Variants in FAM193A observed in about 807,000 individuals in gnomAD.
FAM193A encodes protein FAM193A.
A neutral mutation model predicts 126.5 loss-of-function variants in FAM193A; 22 were observed. The observed-to-expected ratio is 0.17, with a 90% CI of 0.12 to 0.25. The LOEUF is 0.25. Among genes scored for constraint, FAM193A ranks in the 10% least tolerant of loss-of-function variants. The pLI is 1.00. For synonymous variants in FAM193A, 761 were observed against 646.8 expected (o/e 1.18, Z -2.68); for missense variants, 1,675 against 1,672.8 (o/e 1.00, Z -0.02).
chr4:2,726,778 CAAAAAAAAAA>C (rs71589604), intron 20 of FAM193A, among the ~76,000 whole-genome samples: 17 of 44,962 alleles, frequency 3.8e-4, no homozygotes, highest in Non-Finnish European at 6.1e-4. Flanking sequence ...CTAAAAATAC[CAAAAAAAAAA>C]AAAAAAAAAA....
chr4:2,553,086 G>T (rs1169629194), intron 1 of FAM193A, among the ~76,000 whole-genome samples: 2 of 152,048 alleles, frequency 1.3e-5, no homozygotes, highest in African/African-American at 4.8e-5. Context: ...GATCTCAAGT[G>T]ATCCACCGGC....
chr4:2,722,147 A>T (rs1347939311), intron 20 of FAM193A, among the ~76,000 whole-genome samples: 1 of 152,182 alleles, frequency 6.6e-6, no homozygotes, highest in Non-Finnish European at 1.5e-5. Flanking sequence ...TAGCAGTGTC[A>T]GGTTTTGTGA....
chr4:2,701,027 A>G (rs575409743), intron 19 of FAM193A, among the ~76,000 whole-genome samples: 14 of 151,436 alleles, frequency 9.2e-5, no homozygotes, highest in Admixed American at 4.7e-4. Flanking sequence ...TAGTTCCCCA[A>G]CATCAGTATT....
chr4:2,648,180 C>T (rs1418291325), intron 7 of FAM193A, among the ~76,000 whole-genome samples: 5 of 152,192 alleles, frequency 3.3e-5, no homozygotes, highest in Admixed American at 3.3e-4. Flanking sequence ...TGAGCCACTG[C>T]GCCTGGCCTG....
intron 1 of FAM193A, among the ~76,000 whole-genome samples, chr4:2,559,734 GCTTTCTTTGACGGCCC>G (rs1281527991): frequency 3.3e-5 from 5 of 152,178 alleles, no homozygotes; most frequent in Admixed American, 6.6e-5. Flanking sequence ...GACGTCTTGA[GCTTTCTTTGACGGCCC>G]CTCTCTTGTT....
At chr4:2,603,581 C>T (rs750758152) in intron 2 of FAM193A, among the ~76,000 whole-genome samples, 112 of 150,088 alleles carry the variant, frequency 7.5e-4, no homozygotes, top group Non-Finnish European at 6.4e-4. Context: ...CTCAGCCTCC[C>T]AAGTAGCTGG....
At chr4:2,657,986 C>A (rs1317726663) in intron 8 of FAM193A, 106 bp downstream of exon 8, 2 of 769,700 alleles carry the variant, frequency 2.6e-6, no homozygotes, top group Admixed American at 2.4e-5. Flanking sequence ...CATTGGAGGA[C>A]CACATTGGCA....
intron 1 of FAM193A, among the ~76,000 whole-genome samples, chr4:2,568,239 T>C (rs1400852676): frequency 6.6e-6 from 1 of 152,128 alleles, no homozygotes; most frequent in Non-Finnish European, 1.5e-5. Context: ...TTCAAAAAGA[T>C]TGGAAGTTTA....
chr4:2,663,275 A>G lies in FAM193A; in HGVS notation c.2066A>G (p.Tyr689Cys), dbSNP rs767209400. 2.5e-6 allele frequency: 4 copies of G among 1,588,042 alleles called. No homozygotes were observed. Among genetic ancestry groups the G allele is most frequent in the Non-Finnish European group, 3.4e-6 (4 of 1,170,220 alleles). Reference protein sequence around the residue: ...ESKADSPPPSYPTQQAEQAPN... With the variant: ...ESKADSPPPSCPTQQAEQAPN... ...AAAGCAGACAGTCCACCCCCATCCT[A>G]CCCAACACAGCAGGTAGGACTTTGC... Residue 689 changes from tyrosine to cysteine, a missense_variant, in exon 12 of 21, where the codon TAC becomes TGC. Tyr to Cys is a radical substitution (Grantham distance 194). Transcript: ENST00000637812.
chr4:2,695,277 A>G (rs1716903972), intron 17 of FAM193A, 148 bp downstream of exon 17: 1 of 622,230 alleles, frequency 1.6e-6, no homozygotes, highest in East Asian at 3.5e-5. Flanking sequence ...TATATGCCCA[A>G]AGATTTAGCC....
chr4:2,606,701 A>G (rs1346776540), intron 2 of FAM193A, among the ~76,000 whole-genome samples: 2 of 152,240 alleles, frequency 1.3e-5, no homozygotes, highest in African/African-American at 4.8e-5. Flanking sequence ...TAAGGTAGAC[A>G]GATTTTCCTG....
chr4:2,658,009 G>A (rs953495322), intron 8 of FAM193A, 129 bp downstream of exon 8: 15 of 673,394 alleles, frequency 2.2e-5, no homozygotes, highest in East Asian at 1.3e-4. Context: ...TTTTGCCAGC[G>A]TTAAAAACTG....
chr4:2,640,434 G>C (rs1560509566), intron 6 of FAM193A, among the ~76,000 whole-genome samples: 1 of 152,190 alleles, frequency 6.6e-6, no homozygotes, highest in Non-Finnish European at 1.5e-5. Flanking sequence ...GTCAGAGTGA[G>C]AAGATTTAGG....
chr4:2,572,441 C>A (rs962340186), intron 1 of FAM193A, among the ~76,000 whole-genome samples: 5 of 152,038 alleles, frequency 3.3e-5, no homozygotes, highest in Admixed American at 6.6e-5. Context: ...AGGTTGTGGC[C>A]CCACAGTGCT....
intron 1 of FAM193A, among the ~76,000 whole-genome samples, chr4:2,587,652 C>T (rs1740308227): frequency 6.6e-6 from 1 of 152,112 alleles, no homozygotes; most frequent in Non-Finnish European, 1.5e-5. Context: ...CAAGATCGTG[C>T]TACTGCAGTC....
chr4:2,641,441 G>A (rs1450571253), intron 6 of FAM193A, among the ~76,000 whole-genome samples: 2 of 151,836 alleles, frequency 1.3e-5, no homozygotes, highest in South Asian at 2.1e-4. Flanking sequence ...GGCAGATCAC[G>A]AGGTCAGATC....
chr4:2,676,717 C>A (rs993569898), intron 13 of FAM193A, among the ~76,000 whole-genome samples: 2 of 152,096 alleles, frequency 1.3e-5, no homozygotes, highest in African/African-American at 4.8e-5. Context: ...CCGAGGCAGG[C>A]GGATCACGAG....
chr4:2,665,972 G>C (rs1284337015), intron 12 of FAM193A, among the ~76,000 whole-genome samples: 1 of 152,130 alleles, frequency 6.6e-6, no homozygotes, highest in Non-Finnish European at 1.5e-5. Flanking sequence ...TCAGCCTCCC[G>C]AGTGCTTTTA....
chr4:2,600,324 G>A (rs564210667), intron 2 of FAM193A, among the ~76,000 whole-genome samples: 4 of 152,290 alleles, frequency 2.6e-5, no homozygotes, highest in South Asian at 4.1e-4. Context: ...TGGCTCTTCC[G>A]TGGCTCTCAG....
Sources: gnomAD v4.1 joint callset for allele counts (sites outside exome capture counted in the v4.1 genomes callset) on GRCh38, gnomAD v4.1.1 for gene constraint, MANE v1.5 for transcripts, NCBI Gene and HGNC (gene_info 2026-07-23, HGNC 2026-07-21) for gene names.